Variants in GPX3 observed in about 807,000 individuals in gnomAD.
GPX3 encodes GPx-3.
A neutral mutation model predicts 25.1 loss-of-function variants in GPX3; 22 were observed. That is an observed-to-expected ratio of 0.88 (90% confidence interval 0.63 to 1.25). GPX3 has a LOEUF of 1.25. Among genes scored for constraint, GPX3 ranks in the 50% most tolerant of loss-of-function variants. The pLI, the probability that GPX3 is intolerant of heterozygous loss-of-function variation, is 0.00. For synonymous variants in GPX3, 110 were observed against 114.5 expected (o/e 0.96, Z 0.25); for missense variants, 278 against 286.6 (o/e 0.97, Z 0.22).
intron 3 of GPX3, 114 bp from the exon 4 acceptor site, chr5:151,027,318 C>A: frequency 1.4e-6 from 1 of 714,448 alleles, no homozygotes; most frequent in East Asian, 2.5e-5. Flanking sequence ...TCCTGCTGCC[C>A]ACTGCAGAAT....
intron 1 of GPX3, among the ~76,000 whole-genome samples, chr5:151,024,635 G>T (rs1228043337): frequency 6.6e-6 from 1 of 152,204 alleles, no homozygotes; most frequent in Non-Finnish European, 1.5e-5. Context: ...AGGGAGGAAG[G>T]CATAAGGGTC....
At position 151,028,268 on chromosome 5, in the gene GPX3, T is replaced by G. The variant is rs2230303; in HGVS notation, c.*138T>G. 23,177 of 750,716 alleles carry G rather than the reference T, an allele frequency of 0.031. 1,315 individuals are homozygous for G. Among genetic ancestry groups the G allele is most frequent in the African/African-American group, 0.16 (9,392 of 57,756 alleles). The allele number at this position is 750,716 out of a possible 1,614,324, so 46.5% of individuals were successfully genotyped here. On this transcript the variant is annotated 3_prime_UTR_variant, in exon 5 of 5. Coordinates refer to ENST00000388825, the MANE Select transcript of GPX3 (RefSeq NM_002084.5). ...AAGGCCCCAGCCTGGCACAAATGGA[T>G]GCATACAGTTCTGTGTACTGCCAGG...
At chr5:151,021,459 T>C (rs1312626113) in intron 1 of GPX3, 4 of 152,300 alleles carry the variant, frequency 2.6e-5, no homozygotes, top group Non-Finnish European at 2.9e-5. Flanking sequence ...GAGGGGATGC[T>C]TGGAGAAGCT....
At chr5:151,021,617 G>A (rs1487923671) in intron 1 of GPX3, 1 of 152,256 alleles carries the variant, frequency 6.6e-6, no homozygotes. Flanking sequence ...ATTCTCTAGA[G>A]CCTCAGTCTA....
In GPX3 at chr5:151,027,532, G is replaced by GT. The variant is rs771262485; in HGVS notation, c.459+2dup. 1.3e-6 allele frequency: 2 copies of GT among 1,591,246 alleles called. No homozygotes were observed. Among genetic ancestry groups the GT allele is most frequent in the Non-Finnish European group, 1.7e-6 (2 of 1,159,244 alleles). On this transcript the variant is annotated splice_donor_variant, in intron 4 of 4. Transcript: ENST00000388825. LOFTEE classifies it high-confidence loss of function. ...GCAGAAATTCTACACTTTCCTAAAG[G>GT]TAAGTGAGCTGCCACCTGTGCTGGC...
chr5:151,025,529 G>T lies in GPX3; in HGVS notation c.241+36G>T, dbSNP rs764894761. On this transcript the variant is annotated intron_variant, in intron 2 of 4. Coordinates refer to ENST00000388825, the MANE Select transcript of GPX3 (RefSeq NM_002084.5). ...ACCCTTCCTCCCTGCTTTATTTGGG[G>T]CTGTATGGCATATTTCAATCACAGG... 5 of 1,547,726 alleles carry T rather than the reference G, an allele frequency of 3.2e-6. No individual in the cohort carries two copies. The Admixed American group carries it at 5.7e-5, about 18-fold the overall frequency.
chr5:151,020,812 G>A, intron 1 of GPX3, 71 bp downstream of exon 1: 3 of 1,373,136 alleles, frequency 2.2e-6, no homozygotes, highest in Non-Finnish European at 3.1e-6. Flanking sequence ...TCAGTGCAAT[G>A]CACCCCTTTT....
intron 1 of GPX3, among the ~76,000 whole-genome samples, chr5:151,023,007 G>T (rs544084427): frequency 6.6e-6 from 1 of 152,236 alleles, no homozygotes; most frequent in Admixed American, 6.5e-5. Context: ...ATTGATAGGA[G>T]TAATAAGACG....
At chr5:151,025,099 T>C (rs1350604294) in intron 1 of GPX3, among the ~76,000 whole-genome samples, 1 of 152,186 alleles carries the variant, frequency 6.6e-6, no homozygotes, top group African/African-American at 2.4e-5. Flanking sequence ...ATTAGGTGCT[T>C]AATATTAATA....
Position 151,025,379 on chromosome 5 carries a change from T to G in GPX3, c.127T>G (p.Tyr43Asp), listed in dbSNP as rs773392965. Residue 43 changes from tyrosine (Y) to aspartate (D), a missense_variant, in exon 2 of 5, where the codon TAC becomes GAC. Coordinates refer to ENST00000388825, the MANE Select transcript of GPX3 (RefSeq NM_002084.5). ...TGGCATAAGTGGCACCATTTACGAG[T>G]ACGGAGCCCTCACCATTGATGGGGA... is the stretch of plus-strand genomic sequence containing the variant. ...HGGISGTIYE[Y>D]GALTIDGEEY... 1.6e-5 allele frequency: 26 copies of G among 1,608,788 alleles called. No homozygotes were observed. The highest frequency in any genetic ancestry group is 2.1e-5 in the Non-Finnish European group (25 of 1,177,362).
chr5:151,027,094 G>A (rs1756562078), intron 3 of GPX3, 77 bp downstream of exon 3: 1 of 953,038 alleles, frequency 1.0e-6, no homozygotes, highest in Admixed American at 1.9e-5. Context: ...AATCATGGTG[G>A]ACATTTATCG....
intron 2 of GPX3, 93 bp from the exon 3 acceptor site, chr5:151,026,807 C>A: frequency 1.1e-6 from 1 of 881,220 alleles, no homozygotes; most frequent in Non-Finnish European, 1.8e-6. Flanking sequence ...TCAGTAGTTC[C>A]AGCGGCACAG....
chr5:151,028,284 T>C lies in GPX3; in HGVS notation c.*154T>C, dbSNP rs755352112. The C allele has an allele frequency of 5.3e-5, 36 of 674,898 alleles. No homozygotes were observed. The highest frequency in any genetic ancestry group is 8.5e-5 in the Non-Finnish European group (33 of 389,354). 41.8% of individuals were successfully genotyped at this position (674,898 alleles called of 1,614,324 possible). Reference sequence around the variant, plus strand: ...ACAAATGGATGCATACAGTTCTGTGTACTGCCAGGCATGTGGGTGTGGGTG... The same window carrying C: ...ACAAATGGATGCATACAGTTCTGTGCACTGCCAGGCATGTGGGTGTGGGTG... On this transcript the variant is annotated 3_prime_UTR_variant, in exon 5 of 5. Transcript: ENST00000388825.
intron 2 of GPX3, chr5:151,026,675 T>G (rs1581699131): frequency 2.2e-6 from 1 of 446,308 alleles, no homozygotes; most frequent in Non-Finnish European, 4.0e-6. Flanking sequence ...TGAGGAAGGG[T>G]ATTATTCTTG....
chr5:151,020,981 AC>A, intron 1 of GPX3: 2 of 566,328 alleles, frequency 3.5e-6, no homozygotes, highest in Non-Finnish European at 6.4e-6. Flanking sequence ...GGGCAGAATG[AC>A]TAAGGGAGGA....
chr5:151,023,819 C>T (rs147985088), intron 1 of GPX3, among the ~76,000 whole-genome samples: 437 of 152,292 alleles, frequency 2.9e-3, no homozygotes, highest in African/African-American at 0.01. Context: ...CAAAAGTCAC[C>T]GGATGTGGAA....
chr5:151,026,708 C>T (rs1756553675), intron 2 of GPX3, 192 bp from the exon 3 acceptor site: 1 of 524,820 alleles, frequency 1.9e-6, no homozygotes, highest in Admixed American at 3.4e-5. Flanking sequence ...CCAATCCATC[C>T]AGATTAGAGT....
rs1756456540 is a variant in GPX3, at chr5:151,020,602, G to A, written c.-53G>A. The A allele has an allele frequency of 6.7e-7, 1 of 1,484,306 alleles. No homozygotes were observed. The highest frequency in any genetic ancestry group is 9.2e-7 in the Non-Finnish European group (1 of 1,090,438). The allele number at this position is 1,484,306 out of a possible 1,614,324, so 91.9% of individuals were successfully genotyped here. ...GCGCCGGACACCTCAGACGGACGGT[G>A]GCCAGGGATCAGGCAGCGGCTCAGG... On this transcript the variant is annotated 5_prime_UTR_variant, in exon 1 of 5. Transcript: ENST00000388825.
intron 1 of GPX3, among the ~76,000 whole-genome samples, chr5:151,023,618 GT>G (rs1240862931): frequency 1.3e-5 from 2 of 152,142 alleles, no homozygotes; most frequent in Non-Finnish European, 2.9e-5. Context: ...TCATGGCAGA[GT>G]TAAAAAAGTG....
Sources: allele counts gnomAD v4.1 joint callset (sites outside exome capture counted in the v4.1 genomes callset), GRCh38; gene constraint gnomAD v4.1.1; transcripts MANE v1.5; gene names NCBI Gene and HGNC (gene_info 2026-07-23, HGNC 2026-07-21).